ZNF804A: variants seen among roughly 807,000 people sequenced by gnomAD.
ZNF804A encodes the protein zinc finger protein 804A.
Under a neutral mutation model 16.5 loss-of-function variants are expected in ZNF804A, and 2 were observed. That is an observed-to-expected ratio of 0.12 (90% CI 0.05 to 0.38). The LOEUF (loss-of-function observed/expected upper bound fraction) is 0.38, where lower values mean the gene tolerates loss of function less well. ZNF804A is among the 10% of genes least tolerant of loss of function. The pLI is 0.99. For synonymous variants in ZNF804A, 534 were observed against 489.6 expected (o/e 1.09, Z -1.20); for missense variants, 1,473 against 1,390.7 (o/e 1.06, Z -0.94).
At chr2:184,776,602 A>AT (rs1489429440) in intron 1 of ZNF804A, among the ~76,000 whole-genome samples, 3 of 151,422 alleles carry the variant, frequency 2.0e-5, no homozygotes, top group African/African-American at 7.3e-5. Context: ...GACACCTTCC[A>AT]TTGTCATAAA....
intron 2 of ZNF804A, among the ~76,000 whole-genome samples, chr2:184,895,732 G>A (rs75519579): frequency 0.017 from 2,530 of 152,238 alleles, 79 homozygotes; most frequent in African/African-American, 0.058. Context: ...CTTCAACCTT[G>A]ATTTTCTTTT....
intron 1 of ZNF804A, among the ~76,000 whole-genome samples, chr2:184,807,931 A>C (rs1694836631): frequency 6.6e-6 from 1 of 151,676 alleles, no homozygotes; most frequent in Non-Finnish European, 1.5e-5. Flanking sequence ...TACAGATTAA[A>C]TTTGAATAAT....
At chr2:184,740,677 A>C (rs1054396916) in intron 1 of ZNF804A, among the ~76,000 whole-genome samples, 4 of 152,172 alleles carry the variant, frequency 2.6e-5, no homozygotes, top group African/African-American at 9.6e-5. Context: ...TTTAGTTAGT[A>C]AATTTAAAAT....
At chr2:184,641,827 A>G (rs1289667744) in intron 1 of ZNF804A, among the ~76,000 whole-genome samples, 2 of 152,168 alleles carry the variant, frequency 1.3e-5, no homozygotes, top group East Asian at 3.9e-4. Flanking sequence ...GAGATAAGCT[A>G]TTTACAATAG....
At chr2:184,801,446 A>C (rs1486088397) in intron 1 of ZNF804A, among the ~76,000 whole-genome samples, 2 of 152,136 alleles carry the variant, frequency 1.3e-5, no homozygotes, top group Non-Finnish European at 2.9e-5. Context: ...CACCATTTAA[A>C]ATAGTCTCAC....
chr2:184,866,881 T>C (rs1189142150), intron 2 of ZNF804A, among the ~76,000 whole-genome samples: 1 of 150,440 alleles, frequency 6.6e-6, no homozygotes, highest in African/African-American at 2.4e-5. Context: ...ATTTATTGCA[T>C]GTTATTTATA....
chr2:184,923,022 C>A (rs1185193417), intron 2 of ZNF804A, among the ~76,000 whole-genome samples: 3 of 151,932 alleles, frequency 2.0e-5, no homozygotes, highest in Non-Finnish European at 2.9e-5. Context: ...TTGCTTTAGA[C>A]AACTTTGGTT....
chr2:184,849,490 A>G (rs1418392505), intron 1 of ZNF804A, among the ~76,000 whole-genome samples: 3 of 152,066 alleles, frequency 2.0e-5, no homozygotes, highest in Admixed American at 2.0e-4. Flanking sequence ...AAAATGCTCA[A>G]TGCCACTAAA....
intron 2 of ZNF804A, among the ~76,000 whole-genome samples, chr2:184,909,487 AC>A (rs1287249567): frequency 6.6e-6 from 1 of 152,086 alleles, no homozygotes; most frequent in Non-Finnish European, 1.5e-5. Context: ...TCAGAAATTC[AC>A]TTGACATCTA....
chr2:184,859,485 G>A (rs904130113), intron 1 of ZNF804A, among the ~76,000 whole-genome samples: 3 of 151,588 alleles, frequency 2.0e-5, no homozygotes, highest in African/African-American at 7.3e-5. Context: ...ATTATTTTGG[G>A]TCATTTATTG....
chr2:184,939,344 C>G lies in ZNF804A; in HGVS notation c.*318C>G. 1 of 186,256 alleles carries G rather than the reference C, an allele frequency of 5.4e-6. No individual in the cohort carries two copies. Among genetic ancestry groups the G allele is most frequent in the Non-Finnish European group, 1.1e-5 (1 of 90,304 alleles). The allele number at this position is 186,256 out of a possible 1,614,324, so 11.5% of individuals were successfully genotyped here. A position where few individuals can be genotyped will look rare whatever the true frequency, so the allele number is the denominator to read the frequency against. On this transcript the variant is annotated 3_prime_UTR_variant, in exon 4 of 4. Coordinates refer to ENST00000302277, the MANE Select transcript of ZNF804A (RefSeq NM_194250.2). ...TCTAATTTATGTTGTAAAGTATGCT[C>G]CCTTGGTTTTTCTTAATCTTTGTGT...
At chr2:184,741,558 C>G (rs184583045) in intron 1 of ZNF804A, among the ~76,000 whole-genome samples, 1 of 152,190 alleles carries the variant, frequency 6.6e-6, no homozygotes, top group Non-Finnish European at 1.5e-5. Flanking sequence ...TGACCCCTAG[C>G]TAAATAAAGA....
intron 1 of ZNF804A, among the ~76,000 whole-genome samples, chr2:184,817,766 G>C (rs748006826): frequency 4.0e-4 from 61 of 151,966 alleles, no homozygotes; most frequent in Non-Finnish European, 2.5e-4. Context: ...TACAGTCACA[G>C]GTATCAATAC....
intron 1 of ZNF804A, among the ~76,000 whole-genome samples, chr2:184,725,310 C>G (rs980190618): frequency 6.1e-4 from 92 of 151,650 alleles, no homozygotes; most frequent in African/African-American, 2.2e-3. Context: ...ATATTTAAAT[C>G]ATATTTCTAT....
chr2:184,922,519 T>C (rs1301042760), intron 2 of ZNF804A, among the ~76,000 whole-genome samples: 1 of 152,082 alleles, frequency 6.6e-6, no homozygotes, highest in Non-Finnish European at 1.5e-5. Context: ...AGATGGGTAG[T>C]TTGCAAATGT....
At chr2:184,773,570 T>C (rs953703017) in intron 1 of ZNF804A, among the ~76,000 whole-genome samples, 1 of 151,940 alleles carries the variant, frequency 6.6e-6, no homozygotes, top group East Asian at 1.9e-4. Context: ...TCAAACATTT[T>C]ATATTCTCAC....
intron 1 of ZNF804A, among the ~76,000 whole-genome samples, chr2:184,860,925 G>A (rs1695790831): frequency 6.6e-6 from 1 of 152,244 alleles, no homozygotes; most frequent in African/African-American, 2.4e-5. Context: ...GCAAATCAGA[G>A]CCTGAGGCTG....
At chr2:184,602,582 A>G (rs1025485437) in intron 1 of ZNF804A, among the ~76,000 whole-genome samples, 1 of 151,988 alleles carries the variant, frequency 6.6e-6, no homozygotes, top group Admixed American at 6.5e-5. Flanking sequence ...TAAATACAGA[A>G]TATTTCTGTA....
At chr2:184,798,764 A>G (rs1290251711) in intron 1 of ZNF804A, among the ~76,000 whole-genome samples, 3 of 152,080 alleles carry the variant, frequency 2.0e-5, no homozygotes, top group Non-Finnish European at 2.9e-5. Context: ...GTTTGGATCC[A>G]TTGCTGGTGA....
Sources: gnomAD v4.1 joint callset for allele counts (sites outside exome capture counted in the v4.1 genomes callset) on GRCh38, gnomAD v4.1.1 for gene constraint, MANE v1.5 for transcripts, NCBI Gene and HGNC (gene_info 2026-07-23, HGNC 2026-07-21) for gene names.